Variants in TICRR observed in about 807,000 individuals in gnomAD.
The protein encoded by TICRR is treslin.
In TICRR, 132 loss-of-function variants were observed where a neutral mutation model predicts 178.1. That is an observed-to-expected ratio of 0.74 (90% CI 0.64 to 0.86). The LOEUF (loss-of-function observed/expected upper bound fraction) is 0.86, where lower values mean the gene tolerates loss of function less well. Ranked by LOEUF, TICRR falls within the 40% of genes least tolerant of loss-of-function variation. The pLI is 0.00. For synonymous variants in TICRR, 991 were observed against 900.7 expected (o/e 1.10, Z -1.79); for missense variants, 2,587 against 2,334.3 (o/e 1.11, Z -2.23).
At chr15:89,588,689 T>G (rs1596041897) in intron 4 of TICRR, among the ~76,000 whole-genome samples, 1 of 150,990 alleles carries the variant, frequency 6.6e-6, no homozygotes, top group Non-Finnish European at 1.5e-5. Flanking sequence ...GCACCAGAGG[T>G]GAGGAATTCA....
chr15:89,588,960 C>T (rs532487493), intron 4 of TICRR, among the ~76,000 whole-genome samples: 2 of 152,188 alleles, frequency 1.3e-5, no homozygotes, highest in Admixed American at 1.3e-4. Flanking sequence ...TACCAGCCCA[C>T]CTCAGGGCCA....
chr15:89,598,371 G>GTTT (rs1963035519), intron 7 of TICRR, among the ~76,000 whole-genome samples: 1 of 151,938 alleles, frequency 6.6e-6, no homozygotes, highest in Non-Finnish European at 1.5e-5. Flanking sequence ...TTGTTTGTTT[G>GTTT]TTTGTTTTGA....
At position 89,627,236 on chromosome 15, in the gene TICRR, G is replaced by C. The variant is rs1314197859; in HGVS notation, c.*150G>C. 11 of 926,302 alleles carry C rather than the reference G, an allele frequency of 1.2e-5. No homozygotes were observed. The highest frequency in any genetic ancestry group is 3.4e-4 in the Middle Eastern group (1 of 2,946). 57.4% of individuals were successfully genotyped at this position (926,302 alleles called of 1,614,324 possible). On this transcript the variant is annotated 3_prime_UTR_variant, in exon 22 of 22. Coordinates refer to ENST00000268138, the MANE Select transcript of TICRR (RefSeq NM_152259.4). The stretch of plus-strand genomic sequence containing the variant: ...CTTAGGGTTTTCTAATTCCCCTTAT[G>C]GATCCAATCCATCTCCTGGCCCTGC...
intron 8 of TICRR, among the ~76,000 whole-genome samples, chr15:89,599,888 A>C (rs972849125): frequency 6.6e-6 from 1 of 152,188 alleles, no homozygotes; most frequent in Non-Finnish European, 1.5e-5. Context: ...TGGGTGGATC[A>C]CGAGGTCAGG....
At chr15:89,596,895 C>T (rs1963006943) in intron 7 of TICRR, among the ~76,000 whole-genome samples, 1 of 152,064 alleles carries the variant, frequency 6.6e-6, no homozygotes, top group African/African-American at 2.4e-5. Context: ...TATGTATTTA[C>T]TGTTTTCTAT....
At chr15:89,626,144 A>G in intron 21 of TICRR, 83 bp downstream of exon 21, 9 of 1,543,232 alleles carry the variant, frequency 5.8e-6, no homozygotes, top group Non-Finnish European at 6.1e-6. Context: ...TCGATTCTAG[A>G]GGAGCCCCAG....
intron 16 of TICRR, among the ~76,000 whole-genome samples, chr15:89,617,344 A>G (rs1329988444): frequency 1.3e-5 from 2 of 152,200 alleles, no homozygotes; most frequent in African/African-American, 4.8e-5. Context: ...AATTTTTTAT[A>G]ACATCCTTGA....
At chr15:89,613,734 C>CTTTTTTTTTTTTTTTTTTTTTTCT (rs1555421774) in intron 15 of TICRR, among the ~76,000 whole-genome samples, 2 of 61,520 alleles carry the variant, frequency 3.3e-5, no homozygotes, top group African/African-American at 1.5e-4. Flanking sequence ...TTTCTATTCG[C>CTTTTTTTTTTTTTTTTTTTTTTCT]TTTTTTTTTT....
At position 89,625,574 on chromosome 15, in the gene TICRR, G is replaced by A; in HGVS notation, c.5264G>A (p.Ser1755Asn). The change falls in exon 20 of 22, where the codon AGC becomes AAC. Residue 1755 changes from serine to asparagine, a missense_variant. Transcript: ENST00000268138. Reference protein sequence around the residue: ...QLPDQSPPRNSMPKAEEASSW... With the variant: ...QLPDQSPPRNNMPKAEEASSW... Reference sequence around the variant, plus strand: ...CCAGACCAGTCGCCTCCCAGGAACAGCATGCCTAAGGCCGAGGAAGCCTCT... The same window carrying A: ...CCAGACCAGTCGCCTCCCAGGAACAACATGCCTAAGGCCGAGGAAGCCTCT... 1 of 1,612,920 alleles carries A rather than the reference G, an allele frequency of 6.2e-7. No homozygotes were observed. The highest frequency in any genetic ancestry group is 8.5e-7 in the Non-Finnish European group (1 of 1,180,028).
Position 89,582,846 on chromosome 15 carries a change from T to G in TICRR, c.815T>G (p.Leu272Arg), listed in dbSNP as rs754147840. ...ATAAAGCTGTCAAGTGAACCTCATC[T>G]TTCTCCGTGGATTTCAATGCTGCCA... ...SGIKLSSEPH[L>R]SPWISMLPTD... Residue 272 changes from leucine (L) to arginine (R), a missense_variant, in exon 2 of 22, where the codon CTT (leucine) becomes CGT (arginine). Transcript: ENST00000268138. The G allele has an allele frequency of 1.2e-6, 2 of 1,614,216 alleles. No homozygotes were observed. Among genetic ancestry groups the G allele is most frequent in the South Asian group, 2.2e-5 (2 of 91,088 alleles).
intron 7 of TICRR, 93 bp downstream of exon 7, chr15:89,595,704 ATGC>A: frequency 1.2e-6 from 1 of 842,588 alleles, no homozygotes; most frequent in Non-Finnish European, 1.9e-6. Context: ...TATCTGCTAC[ATGC>A]ACAAAAAGGT....
chr15:89,624,264 T>C lies in TICRR; in HGVS notation c.3954T>C (p.Asp1318=). 8.1e-6 allele frequency: 13 copies of C among 1,614,228 alleles called. No individual in the cohort carries two copies. The highest frequency in any genetic ancestry group is 1.1e-5 in the Non-Finnish European group (13 of 1,180,048). Residue 1318 remains aspartate (D), a synonymous_variant, in exon 20 of 22, where the codon GAT becomes GAC. Coordinates refer to ENST00000268138, the MANE Select transcript of TICRR (RefSeq NM_152259.4). The part of the protein sequence containing the change: ...PKKLFTSPLC[D]VSKKSPFRKS... ...AACTGTTTACCTCTCCTTTATGTGA[T>C]GTCTCCAAGAAGAGTCCATTTAGGA...
rs1414479269 is a variant in TICRR, at chr15:89,624,227, T to A, written c.3917T>A (p.Val1306Asp). The change falls in exon 20 of 22, where the codon GTT (valine) becomes GAT (aspartate). Residue 1306 changes from valine to aspartate, a missense_variant. Transcript: ENST00000268138. Reference protein sequence around the residue: ...GNSTVTSSPPVTPKKLFTSPL... With the variant: ...GNSTVTSSPPDTPKKLFTSPL... ...TCAACTGTGACTTCTTCCCCACCTG[T>A]TACGCCAAAGAAACTGTTTACCTCT... 2 of 1,614,090 alleles carry A rather than the reference T, an allele frequency of 1.2e-6. No homozygotes were observed. The highest frequency in any genetic ancestry group is 2.7e-5 in the African/African-American group (2 of 74,934).
intron 21 of TICRR, among the ~76,000 whole-genome samples, 179 bp from the exon 22 acceptor site, chr15:89,626,777 T>G (rs1201007854): frequency 6.6e-6 from 1 of 152,176 alleles, no homozygotes; most frequent in Non-Finnish European, 1.5e-5. Flanking sequence ...TGCATAGCTG[T>G]TAAGGGCAGG....
chr15:89,601,377 C>T lies in TICRR; in HGVS notation c.2233C>T (p.Gln745Ter), dbSNP rs201955272. 15 of 1,614,040 alleles carry T rather than the reference C, an allele frequency of 9.3e-6. No homozygotes were observed. The highest frequency in any genetic ancestry group is 1.3e-5 in the Non-Finnish European group (15 of 1,179,968). ...SINESTDDME[Q>*]VVEEVTDLLR... ...AAATGAAAGTACAGATGATATGGAA[C>T]AAGTAGTGGAGGAGGCAAGTATATA... Residue 745 changes from glutamine to a stop codon, truncating the protein, a stop_gained, in exon 10 of 22, where the codon CAA (glutamine) becomes TAA (stop). Transcript: ENST00000268138. LOFTEE classifies it high-confidence loss of function.
In TICRR at chr15:89,627,627, G is replaced by A. The variant is rs1963558306; in HGVS notation, c.*541G>A. On this transcript the variant is annotated 3_prime_UTR_variant, in exon 22 of 22. Transcript: ENST00000268138. The stretch of plus-strand genomic sequence containing the variant: ...ACTCAGTACATTTTTGTTTAATGTT[G>A]GGCCTGAGGTTAACTGTGACCATGG... 1 of 154,398 alleles carries A rather than the reference G, an allele frequency of 6.5e-6. No individual in the cohort carries two copies. Among genetic ancestry groups the A allele is most frequent in the Non-Finnish European group, 1.4e-5 (1 of 69,486 alleles). The allele number at this position is 154,398 out of a possible 1,614,324, so 9.6% of individuals were successfully genotyped here.
At chr15:89,605,895 C>A (rs1208617117) in intron 13 of TICRR, among the ~76,000 whole-genome samples, 1 of 152,106 alleles carries the variant, frequency 6.6e-6, no homozygotes, top group African/African-American at 2.4e-5. Context: ...GGTTTAGACT[C>A]TTGAATCTTC....
At chr15:89,607,364 A>G (rs1379799278) in intron 14 of TICRR, among the ~76,000 whole-genome samples, 2 of 152,188 alleles carry the variant, frequency 1.3e-5, no homozygotes, top group Admixed American at 6.5e-5. Context: ...GTTGTTTGCA[A>G]TTTACTCTCC....
At position 89,625,332 on chromosome 15, in the gene TICRR, T is replaced by A; in HGVS notation, c.5022T>A (p.Ser1674Arg). ...GVPWTPSPKH[S>R]GKTTPDIIKD... is the part of the protein sequence containing the mutation. ...CTTGGACACCATCCCCCAAGCACAG[T>A]GGGAAGACAACTCCAGACATAATTA... Residue 1674 changes from serine to arginine, a missense_variant, in exon 20 of 22, where the codon AGT becomes AGA. By Grantham distance (110) the Ser-to-Arg change is moderately radical (BLOSUM62 -1). Coordinates refer to ENST00000268138, the MANE Select transcript of TICRR (RefSeq NM_152259.4). The A allele has an allele frequency of 3.1e-6, 5 of 1,613,794 alleles. No homozygotes were observed. Among genetic ancestry groups the A allele is most frequent in the Non-Finnish European group, 4.2e-6 (5 of 1,179,960 alleles).
Sources: gnomAD v4.1 joint callset for allele counts (sites outside exome capture counted in the v4.1 genomes callset) on GRCh38, gnomAD v4.1.1 for gene constraint, MANE v1.5 for transcripts, NCBI Gene and HGNC (gene_info 2026-07-23, HGNC 2026-07-21) for gene names.